PTPRD: variants seen among roughly 807,000 people sequenced by gnomAD.
PTPRD encodes the protein protein tyrosine phosphatase receptor type D, also known as receptor-type tyrosine-protein phosphatase delta.
PTPRD carries 34 observed loss-of-function variants against 214.5 expected under a neutral mutation model. The observed-to-expected ratio is 0.16, with a 90% confidence interval of 0.12 to 0.21. The LOEUF (loss-of-function observed/expected upper bound fraction) is 0.21. PTPRD is among the 10% of genes least tolerant of loss of function. The pLI, the probability that PTPRD is intolerant of heterozygous loss-of-function variation, is 1.00. For missense variants in PTPRD, 2,545 were observed against 2,398.7 expected (o/e 1.06, Z -1.27); for synonymous variants, 1,128 against 845.7 (o/e 1.33, Z -5.79).
chr9:8,326,691 C>A (rs937717081), intron 44 of PTPRD, among the ~76,000 whole-genome samples: 1 of 147,676 alleles, frequency 6.8e-6, no homozygotes, highest in African/African-American at 2.6e-5. Context: ...TGGTCCTGGA[C>A]TTTTTTTGGT....
intron 8 of PTPRD, among the ~76,000 whole-genome samples, chr9:9,567,507 C>G (rs921542937): frequency 6.6e-6 from 1 of 151,926 alleles, no homozygotes; most frequent in African/African-American, 2.4e-5. Flanking sequence ...TAAGCAATCA[C>G]CTGTTTAATT....
intron 35 of PTPRD, among the ~76,000 whole-genome samples, chr9:8,433,220 G>C (rs1373987645): frequency 6.6e-6 from 1 of 152,176 alleles, no homozygotes; most frequent in Non-Finnish European, 1.5e-5. Context: ...TCCTAGCACA[G>C]TGCATTACTC....
chr9:8,985,914 C>G (rs1408947812), intron 11 of PTPRD, among the ~76,000 whole-genome samples: 1 of 152,092 alleles, frequency 6.6e-6, no homozygotes, highest in Non-Finnish European at 1.5e-5. Flanking sequence ...TACTTTTCTT[C>G]TTTTCCATTA....
chr9:9,184,525 G>C (rs1329221857), intron 9 of PTPRD, among the ~76,000 whole-genome samples: 1 of 152,056 alleles, frequency 6.6e-6, no homozygotes, highest in Non-Finnish European at 1.5e-5. Context: ...TCACAGTACA[G>C]TGTTACATAG....
chr9:9,856,468 T>G (rs570003305), intron 5 of PTPRD, among the ~76,000 whole-genome samples: 3 of 152,242 alleles, frequency 2.0e-5, no homozygotes, highest in East Asian at 1.9e-4. Flanking sequence ...CAAAAAGAAA[T>G]GCATCCAGTG....
intron 4 of PTPRD, among the ~76,000 whole-genome samples, chr9:9,961,244 G>A (rs2094344680): frequency 6.6e-6 from 1 of 152,074 alleles, no homozygotes; most frequent in African/African-American, 2.4e-5. Flanking sequence ...TATGTATCTT[G>A]CACTCCCTAT....
chr9:9,395,782 C>T (rs2067568361), intron 9 of PTPRD, among the ~76,000 whole-genome samples: 1 of 151,970 alleles, frequency 6.6e-6, no homozygotes, highest in Non-Finnish European at 1.5e-5. Flanking sequence ...AAACCAAAAG[C>T]ATTTTATCAC....
chr9:8,782,745 A>G lies in PTPRD; in HGVS notation c.-103-48799T>C, dbSNP rs112696215. Among the ~76,000 whole-genome samples the G allele has an allele frequency of 1.6e-4, 25 of 151,892 alleles. No homozygotes were observed. In the East Asian group the frequency reaches 1.8e-3, roughly 11 times the overall value. On this transcript the variant is annotated intron_variant, in intron 11 of 45. Transcript: ENST00000381196. ...CCGGAGTAGCTGGGATTACAGGCGC[A>G]CACCACCACCTGACTAATTTTTATA...
chr9:9,474,438 C>A (rs2094872529), intron 8 of PTPRD, among the ~76,000 whole-genome samples: 2 of 151,868 alleles, frequency 1.3e-5, no homozygotes, highest in Admixed American at 6.6e-5. Context: ...CCTTTGTGGT[C>A]CCATATATAT....
chr9:10,220,947 G>T (rs2099569044), intron 3 of PTPRD, among the ~76,000 whole-genome samples: 1 of 151,678 alleles, frequency 6.6e-6, no homozygotes, highest in African/African-American at 2.4e-5. Flanking sequence ...ATAAAACAAA[G>T]AAATAAATAT....
intron 12 of PTPRD, among the ~76,000 whole-genome samples, chr9:8,704,509 G>A (rs1277429315): frequency 1.3e-5 from 2 of 152,152 alleles, no homozygotes; most frequent in South Asian, 2.1e-4. Context: ...AGAGTATCAT[G>A]AACTTGAAAA....
rs576405784 is a variant in PTPRD, at chr9:9,715,492, T to C, written c.-287+19041A>G. Reference sequence around the variant, plus strand: ...AGAAATAAAAAAATAAAAAATATATTTTCTACAACAAAAAAAATTAAGATG... The same window carrying C: ...AGAAATAAAAAAATAAAAAATATATCTTCTACAACAAAAAAAATTAAGATG... On this transcript the variant is annotated intron_variant, in intron 7 of 45. Transcript: ENST00000381196. Among the ~76,000 whole-genome samples the C allele has an allele frequency of 4.6e-5, 7 of 152,244 alleles. No individual in the cohort carries two copies. In the South Asian group the frequency reaches 1.5e-3, roughly 32 times the overall value.
At chr9:10,189,126 T>C (rs2099351211) in intron 3 of PTPRD, among the ~76,000 whole-genome samples, 1 of 152,158 alleles carries the variant, frequency 6.6e-6, no homozygotes, top group Non-Finnish European at 1.5e-5. Context: ...CCTCCCTCTG[T>C]ATGTAAGTTC....
chr9:10,086,664 G>C (rs1590770786), intron 3 of PTPRD, among the ~76,000 whole-genome samples: 1 of 151,818 alleles, frequency 6.6e-6, no homozygotes, highest in East Asian at 1.9e-4. Flanking sequence ...AATTATATAG[G>C]CAATGCTGAA....
intron 11 of PTPRD, among the ~76,000 whole-genome samples, chr9:9,005,643 G>A (rs537652340): frequency 6.6e-6 from 1 of 152,044 alleles, no homozygotes; most frequent in African/African-American, 2.4e-5. Context: ...TTCAGCTGTA[G>A]AGGATGATGA....
At chr9:9,565,307 T>C (rs1442305631) in intron 8 of PTPRD, among the ~76,000 whole-genome samples, 2 of 151,902 alleles carry the variant, frequency 1.3e-5, no homozygotes, top group Admixed American at 1.3e-4. Flanking sequence ...ATGCGGTTTT[T>C]AAAATTAACA....
chr9:10,054,132 C>G (rs371979006), intron 3 of PTPRD, among the ~76,000 whole-genome samples: 12 of 152,098 alleles, frequency 7.9e-5, no homozygotes, highest in Non-Finnish European at 1.5e-4. Flanking sequence ...CACCTGTCTA[C>G]TCTATTTAAA....
chr9:9,807,316 T>C (rs906196072), intron 5 of PTPRD, among the ~76,000 whole-genome samples: 3 of 152,128 alleles, frequency 2.0e-5, no homozygotes, highest in African/African-American at 7.2e-5. Flanking sequence ...TTCCCTGTCC[T>C]CTTCTTGTTA....
At chr9:9,713,167 C>T (rs892315860) in intron 7 of PTPRD, among the ~76,000 whole-genome samples, 1 of 152,168 alleles carries the variant, frequency 6.6e-6, no homozygotes, top group African/African-American at 2.4e-5. Context: ...AGTCTTGCAG[C>T]TTATTTCTGC....
Sources: gnomAD v4.1 joint callset for allele counts (sites outside exome capture counted in the v4.1 genomes callset) on GRCh38, gnomAD v4.1.1 for gene constraint, MANE v1.5 for transcripts, NCBI Gene and HGNC (gene_info 2026-07-23, HGNC 2026-07-21) for gene names.